GLRB: variants seen among roughly 807,000 people sequenced by gnomAD.
GLRB encodes glycine receptor beta, also known as glycine receptor subunit beta.
A neutral mutation model predicts 54.2 loss-of-function variants in GLRB; 33 were observed. The ratio of observed to expected loss-of-function variants is 0.61; its 90% CI spans 0.46 to 0.81. The LOEUF (loss-of-function observed/expected upper bound fraction) is 0.81. Ranked by LOEUF, GLRB falls within the 40% of genes least tolerant of loss-of-function variation. GLRB has a pLI of 0.00. For missense variants in GLRB, 572 were observed against 584.6 expected (o/e 0.98, Z 0.22); for synonymous variants, 209 against 208.2 (o/e 1.00, Z -0.03).
At chr4:157,099,392 A>G (rs1271717177) in intron 2 of GLRB, among the ~76,000 whole-genome samples, 1 of 151,504 alleles carries the variant, frequency 6.6e-6, no homozygotes, top group African/African-American at 2.4e-5. Flanking sequence ...GCTGGAGTAC[A>G]GTGAAACAAT....
rs780864328 is a variant in GLRB, at chr4:157,120,610, C to T, written c.177C>T (p.Ile59=). The change falls in exon 3 of 10, where the codon ATC becomes ATT. Residue 59 remains isoleucine, a synonymous_variant. Coordinates refer to ENST00000264428, the MANE Select transcript of GLRB (RefSeq NM_000824.5). The stretch of plus-strand genomic sequence containing the variant: ...TACCTGCCAACTCCACTAGCAATAT[C>T]TTGAACAGGTTATTGGTCAGTTATG... ...ARVPANSTSN[I]LNRLLVSYDP... is the part of the protein sequence containing the mutation. 3 of 1,601,336 alleles carry T rather than the reference C, an allele frequency of 1.9e-6. No homozygotes were observed. The highest frequency in any genetic ancestry group is 2.6e-6 in the Non-Finnish European group (3 of 1,170,660).
At chr4:157,144,164 A>G (rs1736720795) in intron 8 of GLRB, among the ~76,000 whole-genome samples, 1 of 152,126 alleles carries the variant, frequency 6.6e-6, no homozygotes, top group Admixed American at 6.5e-5. Flanking sequence ...TTCTCTTTTC[A>G]TGTCCTTGGA....
chr4:157,106,343 C>T (rs1735222807), intron 2 of GLRB, among the ~76,000 whole-genome samples: 1 of 152,058 alleles, frequency 6.6e-6, no homozygotes. Context: ...TGTTTTTGCT[C>T]TTGACAATGT....
chr4:157,104,840 A>G (rs1368825376), intron 2 of GLRB, among the ~76,000 whole-genome samples: 2 of 151,878 alleles, frequency 1.3e-5, no homozygotes, highest in Admixed American at 1.3e-4. Flanking sequence ...GTTTGTTGGT[A>G]TGTAATTTTT....
intron 2 of GLRB, among the ~76,000 whole-genome samples, chr4:157,080,137 G>A (rs116246650): frequency 0.016 from 2,471 of 152,016 alleles, 30 homozygotes; most frequent in Middle Eastern, 0.034. Flanking sequence ...ATATACTTAC[G>A]GTGTGTATAG....
At chr4:157,097,916 G>A (rs1734873285) in intron 2 of GLRB, among the ~76,000 whole-genome samples, 1 of 152,176 alleles carries the variant, frequency 6.6e-6, no homozygotes, top group African/African-American at 2.4e-5. Context: ...AGCTCCTTGG[G>A]AGGCTGAGGC....
At chr4:157,099,566 C>T (rs1462870729) in intron 2 of GLRB, among the ~76,000 whole-genome samples, 1 of 152,022 alleles carries the variant, frequency 6.6e-6, no homozygotes, top group Non-Finnish European at 1.5e-5. Context: ...GAACTCCTGA[C>T]CTCAAGTGAT....
rs372102720 is a variant in GLRB, at chr4:157,171,821, T to C, written c.*1093T>C. ...TTCACTTCTACTTGTATTTTCTTTC[T>C]TGTTAAAAGTCTAGACAACTGAGAT... is the stretch of plus-strand genomic sequence containing the variant. On this transcript the variant is annotated 3_prime_UTR_variant, in exon 10 of 10. Coordinates refer to ENST00000264428, the MANE Select transcript of GLRB (RefSeq NM_000824.5). 17 of 152,006 alleles carry C rather than the reference T, an allele frequency of 1.1e-4. No homozygotes were observed. In the East Asian group the frequency reaches 3.3e-3, roughly 29 times the overall value. The allele number at this position is 152,006 out of a possible 1,614,324, so 9.4% of individuals were successfully genotyped here. A position where few individuals can be genotyped will look rare whatever the true frequency, so the allele number is the denominator to read the frequency against.
chr4:157,149,053 T>C (rs1335897936), intron 8 of GLRB, among the ~76,000 whole-genome samples: 2 of 152,204 alleles, frequency 1.3e-5, no homozygotes, highest in East Asian at 1.9e-4. Flanking sequence ...CCAGTTAATA[T>C]AGCTGTTTTG....
Position 157,144,785 on chromosome 4 carries a change from G to C in GLRB, c.904+826G>C, listed in dbSNP as rs1560967753. Among the ~76,000 whole-genome samples, 3 of 152,140 alleles carry C rather than the reference G, an allele frequency of 2.0e-5. 1 individual carries two copies. The South Asian group carries it at 6.2e-4, about 31-fold the overall frequency. The stretch of plus-strand genomic sequence containing the variant: ...AATTTTCTTCCATCGAAAAGGCCTT[G>C]TGCAAATCTCTCTCCTGACTTACTG... On this transcript the variant is annotated intron_variant, in intron 8 of 9. Transcript: ENST00000264428.
intron 4 of GLRB, among the ~76,000 whole-genome samples, chr4:157,130,623 A>T (rs7655508): frequency 0.079 from 12,030 of 151,520 alleles, 1,291 homozygotes; most frequent in African/African-American, 0.25. Flanking sequence ...GAATGTACCT[A>T]CCAAATTTTG....
chr4:157,093,064 TTTC>T (rs1433142450), intron 2 of GLRB, among the ~76,000 whole-genome samples: 1 of 152,210 alleles, frequency 6.6e-6, no homozygotes, highest in East Asian at 1.9e-4. Flanking sequence ...GGAACACATT[TTTC>T]TTCTTGATTG....
At chr4:157,164,228 C>T (rs773768209) in intron 9 of GLRB, among the ~76,000 whole-genome samples, 31 of 151,946 alleles carry the variant, frequency 2.0e-4, no homozygotes, top group Non-Finnish European at 3.7e-4. Flanking sequence ...TAAGGGCATG[C>T]TTTGGCATGA....
intron 2 of GLRB, among the ~76,000 whole-genome samples, chr4:157,118,103 TTGAC>T (rs1054393991): frequency 4.0e-5 from 6 of 151,608 alleles, no homozygotes; most frequent in Non-Finnish European, 8.9e-5. Flanking sequence ...AAAAATGAGT[TTGAC>T]TGACACAGCC....
At position 157,136,604 on chromosome 4, in the gene GLRB, T is replaced by A; in HGVS notation, c.433T>A (p.Phe145Ile). The A allele has an allele frequency of 6.2e-7, 1 of 1,613,364 alleles. No homozygotes were observed. The highest frequency in any genetic ancestry group is 8.5e-7 in the Non-Finnish European group (1 of 1,179,376). Reference protein sequence around the residue: ...YKCLWKPDLFFANEKSANFHD... With the variant: ...YKCLWKPDLFIANEKSANFHD... ...GTGTTTATGGAAACCTGATTTATTT[T>A]TTGCAAATGAAAAAAGTGCCAATTT... Residue 145 changes from phenylalanine to isoleucine, a missense_variant, in exon 5 of 10, where the codon TTT becomes ATT. Phe to Ile is a conservative substitution (Grantham distance 21). Transcript: ENST00000264428.
chr4:157,152,846 G>A lies in GLRB; in HGVS notation c.1033G>A (p.Val345Met), dbSNP rs1170074757. ...CCTTCTCTTTGGGTTTGCTTCCCTG[G>A]TGGAGTATGCAGTTGTCCAGGTGAT... ...ACLLFGFASL[V>M]EYAVVQVMLN... The change falls in exon 9 of 10, where the codon GTG becomes ATG. Residue 345 changes from valine (V) to methionine (M), a missense_variant. Coordinates refer to ENST00000264428, the MANE Select transcript of GLRB (RefSeq NM_000824.5). 3 of 1,614,030 alleles carry A rather than the reference G, an allele frequency of 1.9e-6. No individual in the cohort carries two copies. Among genetic ancestry groups the A allele is most frequent in the Non-Finnish European group, 1.7e-6 (2 of 1,180,004 alleles).
chr4:157,127,050 A>G (rs1736040602), intron 4 of GLRB, among the ~76,000 whole-genome samples: 1 of 151,736 alleles, frequency 6.6e-6, no homozygotes. Context: ...CACAGCTGTG[A>G]CTGTCAAGAA....
chr4:157,124,189 T>G (rs1386633959), intron 4 of GLRB, among the ~76,000 whole-genome samples: 8 of 151,806 alleles, frequency 5.3e-5, no homozygotes, highest in Non-Finnish European at 8.8e-5. Flanking sequence ...ATCCCAGTAG[T>G]TAGCCAAGAA....
At chr4:157,170,053 A>T (rs1737859838) in intron 9 of GLRB, among the ~76,000 whole-genome samples, 1 of 152,148 alleles carries the variant, frequency 6.6e-6, no homozygotes, top group Non-Finnish European at 1.5e-5. Flanking sequence ...CATTTTTATA[A>T]TCCATACATT....
Sources: allele counts gnomAD v4.1 joint callset (sites outside exome capture counted in the v4.1 genomes callset), GRCh38; gene constraint gnomAD v4.1.1; transcripts MANE v1.5; gene names NCBI Gene and HGNC (gene_info 2026-07-23, HGNC 2026-07-21).